The following HAUS5 variants were observed in gnomAD, a reference collection of about 807,000 sequenced individuals.
HAUS5 encodes the protein HAUS augmin-like complex subunit 5.
Under a neutral mutation model 94.1 loss-of-function variants are expected in HAUS5, and 67 were observed. That is an observed-to-expected ratio of 0.71 (90% CI 0.58 to 0.87). HAUS5 has a LOEUF of 0.87. Among genes scored for constraint, HAUS5 ranks in the 40% least tolerant of loss-of-function variants. The probability of loss-of-function intolerance (pLI) is 0.00; values close to 1 mark genes in which losing one functional copy is unlikely to be tolerated. For missense variants in HAUS5, 739 were observed against 825.6 expected (o/e 0.90, Z 1.29); for synonymous variants, 339 against 355.4 (o/e 0.95, Z 0.52).
chr19:35,624,110 T>TTTG lies in HAUS5; in HGVS notation c.*1119_*1120insGTT, dbSNP rs1555716025. ...TGTTCTTGTTTTCTTTTGTTTTTTT[T>TTTG]TTTTTTTTTTTTGAGATGCAGTCTC... is the stretch of plus-strand genomic sequence containing the variant. On this transcript the variant is annotated 3_prime_UTR_variant, in exon 19 of 19. Transcript: ENST00000203166. 3.5e-5 allele frequency: 5 copies of TTTG among 143,636 alleles called. No homozygotes were observed. The highest frequency in any genetic ancestry group is 2.6e-5 in the African/African-American group (1 of 38,754). 8.9% of individuals were successfully genotyped at this position (143,636 alleles called of 1,614,324 possible).
intron 5 of HAUS5, 35 bp downstream of exon 5, chr19:35,615,182 G>C: frequency 6.2e-7 from 1 of 1,611,962 alleles, no homozygotes; most frequent in Non-Finnish European, 8.5e-7. Context: ...GCACCAGAAT[G>C]TGGGGCGGGA....
chr19:35,619,600 C>CCA lies in HAUS5; in HGVS notation c.1261-12_1261-11insAC. 1.3e-6 allele frequency: 2 copies of CCA among 1,576,486 alleles called. No individual in the cohort carries two copies. The highest frequency in any genetic ancestry group is 1.7e-6 in the Non-Finnish European group (2 of 1,157,334). Reference sequence around the variant, plus strand: ...TGTTGTGATGCCCCACCCACCCCTCCCCTTCCCCACAGGTGCTAGCTCTGG... The same window carrying CCA: ...TGTTGTGATGCCCCACCCACCCCTCCCACCTTCCCCACAGGTGCTAGCTCTGG... On this transcript the variant is annotated splice_polypyrimidine_tract_variant and intron_variant, in intron 14 of 18. Transcript: ENST00000203166.
rs367708356 is a variant in HAUS5 at position 35,622,356 on chromosome 19, G to A, written c.1652-245G>A. On this transcript the variant is annotated intron_variant, in intron 17 of 18. Transcript: ENST00000203166. ...GAGGAAGGCATCCAGAAGGAGGCCT[G>A]GATGGGGCTGGGGGTGGTGGACTGC... Among the ~76,000 whole-genome samples, 93 of 151,486 alleles carry A rather than the reference G, an allele frequency of 6.1e-4. 1 individual carries two copies. The East Asian group carries it at 0.013, about 21-fold the overall frequency.
At chr19:35,614,993 C>T (rs1412195751) in intron 4 of HAUS5, 49 bp from the exon 5 acceptor site, 2 of 1,415,552 alleles carry the variant, frequency 1.4e-6, no homozygotes, top group East Asian at 2.5e-5. Flanking sequence ...AAAGACAGGC[C>T]AGGCTGAGCC....
Position 35,612,751 on chromosome 19 carries a change from C to CT in HAUS5, c.-42dup, listed in dbSNP as rs2071905182. The CT allele has an allele frequency of 6.9e-7, 1 of 1,440,844 alleles. No individual in the cohort carries two copies. The highest frequency in any genetic ancestry group is 2.3e-5 in the Admixed American group (1 of 43,822). 89.3% of individuals were successfully genotyped at this position (1,440,844 alleles called of 1,614,324 possible). On this transcript the variant is annotated 5_prime_UTR_variant, in exon 1 of 19. Transcript: ENST00000203166. ...CGTGACGTCAGAGGCGGGCGCCACA[C>CT]TTGAAGAGGCTGAGGGAGGCGGTGT...
At chr19:35,621,124 T>C (rs1230758126) in intron 17 of HAUS5, among the ~76,000 whole-genome samples, 1 of 152,090 alleles carries the variant, frequency 6.6e-6, no homozygotes, top group Non-Finnish European at 1.5e-5. Flanking sequence ...GATAAATACA[T>C]GGAAGAGGAG....
At chr19:35,618,033 C>T in intron 9 of HAUS5, 38 bp from the exon 10 acceptor site, 1 of 1,587,128 alleles carries the variant, frequency 6.3e-7, no homozygotes, top group Non-Finnish European at 8.6e-7. Flanking sequence ...CACAGCCCTG[C>T]CCCGATCCTG....
At chr19:35,619,110 A>T (rs1324910245) in intron 13 of HAUS5, 61 bp downstream of exon 13, 1 of 1,465,866 alleles carries the variant, frequency 6.8e-7, no homozygotes. Context: ...AACTATGGCT[A>T]AGAACTGGGC....
At position 35,613,893 on chromosome 19, in the gene HAUS5, C is replaced by T. The variant is rs1280387886; in HGVS notation, c.187C>T (p.Leu63=). 6.2e-7 allele frequency: 1 copy of T among 1,614,068 alleles called. No homozygotes were observed. Among genetic ancestry groups the T allele is most frequent in the Admixed American group, 1.7e-5 (1 of 60,014 alleles). ...GACTGTCAAGAAGATCCGGGGAAAC[C>T]TACTCTGGTAACTGCTTCTTAAAGC... The part of the protein sequence containing the change: ...QRTVKKIRGN[L]LWYGHQDSPQ... The change falls in exon 3 of 19, where the codon CTA becomes TTA. Residue 63 remains leucine (L), a synonymous_variant. Transcript: ENST00000203166.
rs1352147762 is a variant in HAUS5, at chr19:35,623,877, G to T, written c.*884G>T. ...ATTTGTCAGAGCTCATGTAGTTGTA[G>T]TCTTAAGGCCTGTGCATTTCACTGC... On this transcript the variant is annotated 3_prime_UTR_variant, in exon 19 of 19. Coordinates refer to ENST00000203166, the MANE Select transcript of HAUS5 (RefSeq NM_015302.2). The T allele has an allele frequency of 6.6e-6, 1 of 152,224 alleles. No individual in the cohort carries two copies. The highest frequency in any genetic ancestry group is 3.4e-3 in the Middle Eastern group (1 of 294). The allele number at this position is 152,224 out of a possible 1,614,324, so 9.4% of individuals were successfully genotyped here. A position where few individuals can be genotyped will look rare whatever the true frequency, so the allele number is the denominator to read the frequency against.
In HAUS5 at chr19:35,624,122, T is replaced by TTTTTTTTTTTTC. The variant is rs1862231406; in HGVS notation, c.*1129_*1130insTTTTTTTTTTTC. On this transcript the variant is annotated 3_prime_UTR_variant, in exon 19 of 19. Coordinates refer to ENST00000203166, the MANE Select transcript of HAUS5 (RefSeq NM_015302.2). Reference sequence around the variant, plus strand: ...CTTTTGTTTTTTTTTTTTTTTTTTTTGAGATGCAGTCTCATTCTGTTGCCC... The same window carrying TTTTTTTTTTTTC: ...CTTTTGTTTTTTTTTTTTTTTTTTTTTTTTTTTTTTTCGAGATGCAGTCTCATTCTGTTGCCC... The TTTTTTTTTTTTC allele has an allele frequency of 6.7e-6, 1 of 148,178 alleles. No individual in the cohort carries two copies. Among genetic ancestry groups the TTTTTTTTTTTTC allele is most frequent in the African/African-American group, 2.5e-5 (1 of 40,194 alleles). 9.2% of individuals were successfully genotyped at this position (148,178 alleles called of 1,614,324 possible). A position where few individuals can be genotyped will look rare whatever the true frequency, so the allele number is the denominator to read the frequency against.
rs368408592 is a variant in HAUS5 at position 35,620,215 on chromosome 19, G to A, written c.1539G>A (p.Pro513=). The change falls in exon 17 of 19, where the codon CCG becomes CCA. Residue 513 remains proline (P), a synonymous_variant. Coordinates refer to ENST00000203166, the MANE Select transcript of HAUS5 (RefSeq NM_015302.2). The part of the protein sequence containing the change: ...PPGKASELLL[P]AAASLRQDLL... ...TCCAGGCCTCGGAGCTGCTCCTGCC[G>A]GCGGCTGCCTCTCTTCGCCAGGACC... is the stretch of plus-strand genomic sequence containing the variant. 1.3e-5 allele frequency: 21 copies of A among 1,613,492 alleles called. No individual in the cohort carries two copies. The highest frequency in any genetic ancestry group is 1.6e-4 in the Middle Eastern group (1 of 6,078).
In HAUS5 at chr19:35,623,312, G is replaced by C. The variant is rs1967247370; in HGVS notation, c.*319G>C. 1 of 292,708 alleles carries C rather than the reference G, an allele frequency of 3.4e-6. No homozygotes were observed. The highest frequency in any genetic ancestry group is 6.4e-6 in the Non-Finnish European group (1 of 155,806). The allele number at this position is 292,708 out of a possible 1,614,324, so 18.1% of individuals were successfully genotyped here. ...TGTCTTCCAGCAGTTGAGTTCTAGG[G>C]CAGGGAGACAGAGTTTACAAGATAA... is the stretch of plus-strand genomic sequence containing the variant. On this transcript the variant is annotated 3_prime_UTR_variant, in exon 19 of 19. Coordinates refer to ENST00000203166, the MANE Select transcript of HAUS5 (RefSeq NM_015302.2).
At position 35,622,788 on chromosome 19, in the gene HAUS5, G is replaced by A; in HGVS notation, c.1784+55G>A. The A allele has an allele frequency of 4.3e-6, 7 of 1,610,796 alleles. No homozygotes were observed. In the Admixed American group the frequency reaches 1.2e-4, roughly 27 times the overall value. On this transcript the variant is annotated intron_variant, in intron 18 of 18. Coordinates refer to ENST00000203166, the MANE Select transcript of HAUS5 (RefSeq NM_015302.2). The stretch of plus-strand genomic sequence containing the variant: ...ACAGAAAAGTCAGGACTCAAGCTGG[G>A]GGCCTGATGAGAAGGAGCAGGCCAT...
chr19:35,619,393 G>A (rs916694043), intron 13 of HAUS5, 31 bp from the exon 14 acceptor site: 1 of 1,518,542 alleles, frequency 6.6e-7, no homozygotes, highest in Non-Finnish European at 9.0e-7. Context: ...GAGCTGGGAG[G>A]AGTGGGTCTC....
At chr19:35,613,927 C>G (rs762458511) in intron 3 of HAUS5, 27 bp downstream of exon 3, 2 of 1,613,088 alleles carry the variant, frequency 1.2e-6, no homozygotes, top group South Asian at 1.1e-5. Context: ...GCTATCCCCT[C>G]CTGTCTTCCC....
In HAUS5 at chr19:35,618,916, G is replaced by A. The variant is rs561357177; in HGVS notation, c.1046G>A (p.Cys349Tyr). Residue 349 changes from cysteine (C) to tyrosine (Y), a missense_variant, in exon 13 of 19, where the codon TGT (cysteine) becomes TAT (tyrosine). By Grantham distance (194) the Cys-to-Tyr change is radical. Transcript: ENST00000203166. Reference sequence around the variant, plus strand: ...GTGCTGATACTGGGGCTTCGGCGCTGTTGCCTGTGGACGGAGCTCAAGGCC... The same window carrying A: ...GTGCTGATACTGGGGCTTCGGCGCTATTGCCTGTGGACGGAGCTCAAGGCC... ...RQVLILGLRRCCLWTELKALH... is the reference protein window; with the variant it reads ...RQVLILGLRRYCLWTELKALH... The A allele has an allele frequency of 4.3e-6, 7 of 1,611,746 alleles. No individual in the cohort carries two copies. In the Admixed American group the frequency reaches 5.1e-5, roughly 12 times the overall value.
rs200446038 is a variant in HAUS5, at chr19:35,618,645, G to A, written c.962G>A (p.Arg321His). Residue 321 changes from arginine to histidine, a missense_variant, in exon 12 of 19, where the codon CGC becomes CAC. By Grantham distance (29) the Arg-to-His change is conservative (BLOSUM62 0). Coordinates refer to ENST00000203166, the MANE Select transcript of HAUS5 (RefSeq NM_015302.2). ...AAGGAGCGGCAAGTCTTGACCCAGCGCCTCCAGGGCCTGGTGGAGGAGGTG... is the reference window on the plus strand; with the variant it reads ...AAGGAGCGGCAAGTCTTGACCCAGCACCTCCAGGGCCTGGTGGAGGAGGTG... ...LLKERQVLTQ[R>H]LQGLVEEVER... 1.1e-5 allele frequency: 18 copies of A among 1,606,482 alleles called. No homozygotes were observed. The highest frequency in any genetic ancestry group is 6.7e-5 in the East Asian group (3 of 44,672).
Position 35,618,571 on chromosome 19 carries a change from G to A in HAUS5, c.888G>A (p.Glu296=). 6.2e-7 allele frequency: 1 copy of A among 1,604,686 alleles called. No homozygotes were observed. Among genetic ancestry groups the A allele is most frequent in the East Asian group, 2.2e-5 (1 of 44,644 alleles). ...CTGATTCTGTACCCCGCTTGCAGGA[G>A]GGCTGGCGGACTGTGGGTGTGCTGG... ...TLPSMVHLIQ[E]GWRTVGVLVS... is the part of the protein sequence containing the mutation. Residue 296 remains glutamate, a splice_region_variant and synonymous_variant, in exon 12 of 19, where the codon GAG becomes GAA. Transcript: ENST00000203166.
Sources: allele counts gnomAD v4.1 joint callset (sites outside exome capture counted in the v4.1 genomes callset), GRCh38; gene constraint gnomAD v4.1.1; transcripts MANE v1.5; gene names NCBI Gene and HGNC (gene_info 2026-07-23, HGNC 2026-07-21).